Variants in BRCC3 observed in about 807,000 individuals in gnomAD.
BRCC3 encodes BRCA1/BRCA2-containing complex subunit 3, also known as lys-63-specific deubiquitinase BRCC36.
In BRCC3, 15 loss-of-function variants were observed where a neutral mutation model predicts 28.0. The observed-to-expected ratio is 0.54, with a 90% CI of 0.36 to 0.82. The LOEUF (loss-of-function observed/expected upper bound fraction) is 0.82. BRCC3 is among the 40% of genes least tolerant of loss of function. BRCC3 has a pLI of 0.01. For missense variants in BRCC3, 109 were observed against 225.9 expected (o/e 0.48, Z 3.32); for synonymous variants, 66 against 80.3 (o/e 0.82, Z 0.95).
At chrX:155,098,593 A>T (rs1169116163) in intron 7 of BRCC3, among the ~76,000 whole-genome samples, 1 of 112,336 alleles carries the variant, frequency 8.9e-6, no homozygotes, top group Non-Finnish European at 1.9e-5. Context: ...ATTTATTTAC[A>T]TATTGTCTAT....
chrX:155,081,815 C>T (rs1459745075), intron 5 of BRCC3, among the ~76,000 whole-genome samples: 2 of 111,362 alleles, frequency 1.8e-5, no homozygotes, highest in Admixed American at 1.9e-4. Flanking sequence ...TTCCATAAAA[C>T]GATTCTTCAG....
Position 155,116,235 on chromosome X carries a change from T to TA in BRCC3, c.680+47_680+48insA. 2.7e-6 allele frequency: 3 copies of TA among 1,105,000 alleles called. No individual in the cohort carries two copies. The East Asian group carries it at 1.0e-4, about 37-fold the overall frequency. The allele number at this position is 1,105,000 out of a possible 1,213,427, so 91.1% of individuals were successfully genotyped here. On this transcript the variant is annotated intron_variant, in intron 8 of 10. Coordinates refer to ENST00000330045, the MANE Select transcript of BRCC3 (RefSeq NM_001018055.3). ...CTTCTCTACTTCTCAGGACCTAGTCTCTCTTTTCTTCTTCTGTCCTTTTCT... is the reference window on the plus strand; with the variant it reads ...CTTCTCTACTTCTCAGGACCTAGTCTACTCTTTTCTTCTTCTGTCCTTTTCT...
chrX:155,087,978 T>C (rs1046125229), intron 5 of BRCC3, among the ~76,000 whole-genome samples: 4 of 112,619 alleles, frequency 3.6e-5, no homozygotes, highest in Non-Finnish European at 7.5e-5. Flanking sequence ...TTTATTCTCA[T>C]TTAACTGATA....
intron 3 of BRCC3, among the ~76,000 whole-genome samples, chrX:155,074,723 C>G (rs1437634839): frequency 8.9e-6 from 1 of 112,287 alleles, no homozygotes; most frequent in Non-Finnish European, 1.9e-5. Context: ...TCAGTTTGTA[C>G]TGTCTAAATT....
intron 7 of BRCC3, among the ~76,000 whole-genome samples, chrX:155,114,534 A>G (rs1369410279): frequency 9.1e-6 from 1 of 110,371 alleles, no homozygotes; most frequent in Non-Finnish European, 1.9e-5. Flanking sequence ...TACATTACTG[A>G]ACTGTACACT....
At chrX:155,095,931 C>T (rs1203545337) in intron 7 of BRCC3, among the ~76,000 whole-genome samples, 2 of 111,849 alleles carry the variant, frequency 1.8e-5, no homozygotes, top group Non-Finnish European at 3.8e-5. Flanking sequence ...TACCATATAG[C>T]CTGGGCATGT....
intron 5 of BRCC3, among the ~76,000 whole-genome samples, chrX:155,085,474 C>T (rs898786033): frequency 1.8e-5 from 2 of 111,984 alleles, no homozygotes; most frequent in Admixed American, 9.4e-5. Context: ...GTTTCCAGGT[C>T]AGTTTATGTG....
chrX:155,091,717 GGAAACA>G (rs1311324657), intron 7 of BRCC3, among the ~76,000 whole-genome samples: 1 of 109,765 alleles, frequency 9.1e-6, no homozygotes. Context: ...CAAAGAATTG[GGAAACA>G]GATGCTCATC....
intron 7 of BRCC3, among the ~76,000 whole-genome samples, chrX:155,113,562 G>T (rs782128642): frequency 2.7e-5 from 3 of 111,504 alleles, no homozygotes; most frequent in African/African-American, 9.8e-5. Flanking sequence ...TAGGGAAAAA[G>T]CTTCATGACA....
intron 7 of BRCC3, among the ~76,000 whole-genome samples, chrX:155,106,792 C>T (rs1419362298): frequency 8.9e-6 from 1 of 111,930 alleles, no homozygotes; most frequent in African/African-American, 3.2e-5. Context: ...ATCAACTAGG[C>T]CTTTTTGTGT....
At chrX:155,075,273 A>T (rs1408946948) in intron 3 of BRCC3, among the ~76,000 whole-genome samples, 3 of 50,804 alleles carry the variant, frequency 5.9e-5, no homozygotes, top group Admixed American at 2.0e-4. Context: ...ACATCTGATA[A>T]TGCTAAGCCC....
At chrX:155,076,043 G>A (rs1225868975) in intron 3 of BRCC3, among the ~76,000 whole-genome samples, 1 of 112,232 alleles carries the variant, frequency 8.9e-6, no homozygotes, top group Non-Finnish European at 1.9e-5. Flanking sequence ...TTCTGCTTAT[G>A]TAAAAGATTA....
At chrX:155,073,070 G>A (rs781861606) in intron 2 of BRCC3, among the ~76,000 whole-genome samples, 24 of 111,581 alleles carry the variant, frequency 2.2e-4, no homozygotes, top group Middle Eastern at 4.7e-3. Context: ...GAAACCTTTC[G>A]GTAACATTTT....
In BRCC3 at chrX:155,119,991, T is replaced by C. The variant is rs782054639; in HGVS notation, c.725-8T>C. On this transcript the variant is annotated splice_polypyrimidine_tract_variant and splice_region_variant and intron_variant, in intron 9 of 10. Transcript: ENST00000330045. ...CAATTATTCTCATCTTTATTTTTCC[T>C]ATTGAAGTGTTTACCAAGAATCTGT... 1.7e-6 allele frequency: 2 copies of C among 1,197,299 alleles called. No homozygotes were observed. The highest frequency in any genetic ancestry group is 3.0e-5 in the East Asian group (1 of 33,728).
At chrX:155,089,479 GT>G in intron 6 of BRCC3, 128 bp downstream of exon 6, 1 of 419,293 alleles carries the variant, frequency 2.4e-6, no homozygotes, top group Non-Finnish European at 4.2e-6. Flanking sequence ...AAGGAAAAGG[GT>G]CATTGAGTCA....
In BRCC3 at chrX:155,089,365, ATGTGTGTGTGTGTG is replaced by A; in HGVS notation, c.492+26_492+39del. On this transcript the variant is annotated intron_variant, in intron 6 of 10. Transcript: ENST00000330045. ...AAGAACACAAAGGTATTGTGTGTGC[ATGTGTGTGTGTGTG>A]TGTGTGTGTGTAGGGTCTGTGTGTG... 1.1e-6 allele frequency: 1 copy of A among 927,414 alleles called. No homozygotes were observed. The allele number at this position is 927,414 out of a possible 1,213,427, so 76.4% of individuals were successfully genotyped here.
In BRCC3 at chrX:155,116,677, C is replaced by CT. The variant is rs782506555; in HGVS notation, c.681-31dup. The stretch of plus-strand genomic sequence containing the variant: ...CCATTTTGCTTTCCCTTCAGTGCTG[C>CT]TTTGCCACTAACCTAAACTATTTTA... On this transcript the variant is annotated intron_variant, in intron 8 of 10. Transcript: ENST00000330045. 3.9e-5 allele frequency: 43 copies of CT among 1,111,799 alleles called. No homozygotes were observed. In the East Asian group the frequency reaches 9.8e-4, roughly 25 times the overall value. The allele number at this position is 1,111,799 out of a possible 1,213,427, so 91.6% of individuals were successfully genotyped here.
intron 2 of BRCC3, 91 bp downstream of exon 2, chrX:155,072,434 C>A: frequency 1.4e-6 from 1 of 712,543 alleles, no homozygotes; most frequent in Non-Finnish European, 2.2e-6. Context: ...GTGTCCGGAT[C>A]GTGTCTTAAA....
intron 3 of BRCC3, among the ~76,000 whole-genome samples, chrX:155,074,595 A>T (rs1222070993): frequency 1.8e-5 from 2 of 112,128 alleles, no homozygotes; most frequent in African/African-American, 6.5e-5. Context: ...ATCTCTGACT[A>T]AAGCAAGAAA....
Sources: gnomAD v4.1 joint callset for allele counts (sites outside exome capture counted in the v4.1 genomes callset) on GRCh38, gnomAD v4.1.1 for gene constraint, MANE v1.5 for transcripts, NCBI Gene and HGNC (gene_info 2026-07-23, HGNC 2026-07-21) for gene names.